Variants in CDCA7L observed in about 807,000 individuals in gnomAD.
CDCA7L encodes the protein cell division cycle-associated 7-like protein.
CDCA7L carries 44 observed loss-of-function variants against 57.4 expected under a neutral mutation model. That is an observed-to-expected ratio of 0.77 (90% CI 0.60 to 0.98). The LOEUF (loss-of-function observed/expected upper bound fraction) is 0.98. Among genes scored for constraint, CDCA7L ranks in the 50% least tolerant of loss-of-function variants. The pLI, the probability that CDCA7L is intolerant of heterozygous loss-of-function variation, is 0.00. For missense variants in CDCA7L, 644 were observed against 580.6 expected, an observed-to-expected ratio of 1.11 and a Z score of -1.12; for synonymous variants, 236 against 202.8, an observed-to-expected ratio of 1.16 and a Z score of -1.39.
At position 21,900,951 on chromosome 7, in the gene CDCA7L, C is replaced by G; in HGVS notation, c.*1371G>C. 6.6e-7 allele frequency: 1 copy of G among 1,504,112 alleles called. No homozygotes were observed. Among genetic ancestry groups the G allele is most frequent in the Non-Finnish European group, 8.9e-7 (1 of 1,127,600 alleles). 93.2% of individuals were successfully genotyped at this position (1,504,112 alleles called of 1,614,324 possible). On this transcript the variant is annotated 3_prime_UTR_variant, in exon 10 of 10. Coordinates refer to ENST00000406877, the MANE Select transcript of CDCA7L (RefSeq NM_018719.5). The stretch of plus-strand genomic sequence containing the variant: ...TATTGCATCAAACAACTTACTTGAT[C>G]ATTATCATTAGTAGCAAGCTGCCAC...
intron 1 of CDCA7L, among the ~76,000 whole-genome samples, chr7:21,933,640 C>T (rs1200509583): frequency 1.3e-5 from 2 of 152,082 alleles, no homozygotes; most frequent in East Asian, 1.9e-4. Flanking sequence ...ACATCACACA[C>T]TGGGGCCCGT....
rs1562615070 is a variant in CDCA7L at position 21,901,281 on chromosome 7, T to G, written c.*1041A>C. 6.3e-7 allele frequency: 1 copy of G among 1,581,992 alleles called. No homozygotes were observed. The highest frequency in any genetic ancestry group is 8.6e-7 in the Non-Finnish European group (1 of 1,162,960). ...GTAACACTGGCATTCCTCTAGCCTCTGCTGGAGTGCAGTGAGGATTTTCTA... is the reference window on the plus strand; with the variant it reads ...GTAACACTGGCATTCCTCTAGCCTCGGCTGGAGTGCAGTGAGGATTTTCTA... On this transcript the variant is annotated 3_prime_UTR_variant, in exon 10 of 10. Transcript: ENST00000406877.
At chr7:21,927,085 C>T (rs112448192) in intron 1 of CDCA7L, among the ~76,000 whole-genome samples, 13 of 151,992 alleles carry the variant, frequency 8.6e-5, no homozygotes, top group African/African-American at 2.7e-4. Context: ...GGCCACTTCT[C>T]GAATATTTAA....
intron 1 of CDCA7L, among the ~76,000 whole-genome samples, chr7:21,921,914 G>A (rs2128063992): frequency 6.6e-6 from 1 of 152,230 alleles, no homozygotes; most frequent in South Asian, 2.1e-4. Flanking sequence ...AATTAACAGT[G>A]TGAATATCAT....
intron 1 of CDCA7L, among the ~76,000 whole-genome samples, chr7:21,922,930 C>T (rs1348270717): frequency 2.6e-5 from 4 of 152,090 alleles, no homozygotes; most frequent in East Asian, 3.9e-4. Flanking sequence ...AAACCAAGAA[C>T]GGTATGATTC....
intron 8 of CDCA7L, chr7:21,903,730 G>C (rs956465310): frequency 5.9e-6 from 1 of 169,876 alleles, no homozygotes; most frequent in African/African-American, 2.5e-5. Flanking sequence ...CACAGTGCCA[G>C]GCACACAGAG....
At chr7:21,945,379 A>G (rs543267737) in intron 1 of CDCA7L, among the ~76,000 whole-genome samples, 2 of 151,922 alleles carry the variant, frequency 1.3e-5, no homozygotes, top group South Asian at 2.1e-4. Flanking sequence ...AAAAATTACA[A>G]CTTTCTTAAG....
rs1562615761 is a variant in CDCA7L at position 21,901,557 on chromosome 7, A to C, written c.*765T>G. 4.5e-6 allele frequency: 1 copy of C among 221,414 alleles called. No individual in the cohort carries two copies. Among genetic ancestry groups the C allele is most frequent in the South Asian group, 1.8e-4 (1 of 5,602 alleles). 13.7% of individuals were successfully genotyped at this position (221,414 alleles called of 1,614,324 possible). ...GCACTCCCTCCTGGGCAACAGAACA[A>C]GACTCCATCTCAAAAAAAAAAAAGT... is the stretch of plus-strand genomic sequence containing the variant. On this transcript the variant is annotated 3_prime_UTR_variant, in exon 10 of 10. Transcript: ENST00000406877.
intron 4 of CDCA7L, among the ~76,000 whole-genome samples, chr7:21,907,298 A>AAAATGTTTC (rs1785172107): frequency 6.6e-6 from 1 of 152,222 alleles, no homozygotes; most frequent in Admixed American, 6.5e-5. Flanking sequence ...TAGCTAAGTA[A>AAAATGTTTC]AAATGTTTCT....
chr7:21,942,044 C>A (rs186904536), intron 1 of CDCA7L, among the ~76,000 whole-genome samples: 4 of 151,264 alleles, frequency 2.6e-5, no homozygotes, highest in Admixed American at 2.0e-4. Context: ...GGGAAAGAGG[C>A]GTGTTTTCTG....
At chr7:21,907,744 C>T (rs2128058261) in intron 4 of CDCA7L, among the ~76,000 whole-genome samples, 1 of 152,274 alleles carries the variant, frequency 6.6e-6, no homozygotes, top group South Asian at 2.1e-4. Flanking sequence ...GCCCAACCTG[C>T]TCCTTGCAAC....
chr7:21,917,679 G>C (rs1013030425), intron 1 of CDCA7L, among the ~76,000 whole-genome samples: 1 of 152,170 alleles, frequency 6.6e-6, no homozygotes, highest in African/African-American at 2.4e-5. Context: ...ATATTAGGTT[G>C]AACCATGGGC....
At position 21,916,957 on chromosome 7, in the gene CDCA7L, T is replaced by A; in HGVS notation, c.25-63A>T. 1.9e-6 allele frequency: 3 copies of A among 1,586,102 alleles called. No individual in the cohort carries two copies. The South Asian group carries it at 3.4e-5, about 18-fold the overall frequency. ...GTTCTTGCTAATCACTTAGGGACAT[T>A]TTCTGGAGGGGAGGAGAGATCTCAT... On this transcript the variant is annotated intron_variant, in intron 1 of 9. Transcript: ENST00000406877.
At position 21,901,120 on chromosome 7, in the gene CDCA7L, A is replaced by G. The variant is rs749959011; in HGVS notation, c.*1202T>C. ...CACCCCCGTGGACAGACAAGAAACCAAACAGACCTACGAGTGCCCTGTGTA... is the reference window on the plus strand; with the variant it reads ...CACCCCCGTGGACAGACAAGAAACCGAACAGACCTACGAGTGCCCTGTGTA... On this transcript the variant is annotated 3_prime_UTR_variant, in exon 10 of 10. Coordinates refer to ENST00000406877, the MANE Select transcript of CDCA7L (RefSeq NM_018719.5). 6.2e-7 allele frequency: 1 copy of G among 1,613,926 alleles called. No individual in the cohort carries two copies. Among genetic ancestry groups the G allele is most frequent in the South Asian group, 1.1e-5 (1 of 91,070 alleles).
chr7:21,927,321 TGAA>T lies in CDCA7L; in HGVS notation c.25-10430_25-10428del, dbSNP rs201465905. 6.3e-3 allele frequency among the ~76,000 whole-genome samples: 952 copies of T among 151,574 alleles called. 7 individuals are homozygous for T. The highest frequency in any genetic ancestry group is 0.051 in the Middle Eastern group (15 of 292). On this transcript the variant is annotated intron_variant, in intron 1 of 9. Coordinates refer to ENST00000406877, the MANE Select transcript of CDCA7L (RefSeq NM_018719.5). ...AAATGAGCCTATTAACAAAGAGAAA[TGAA>T]GAAGGACTCCAACAGAAATTATGGA...
rs557394032 is a variant in CDCA7L at position 21,921,478 on chromosome 7, T to A, written c.25-4584A>T. 1.3e-3 allele frequency among the ~76,000 whole-genome samples: 195 copies of A among 152,218 alleles called. 2 individuals are homozygous for A. The highest frequency in any genetic ancestry group is 4.4e-3 in the South Asian group (21 of 4,820). ...AAGGATACACAGGGACCTCTTCTAA[T>A]GAATGACCAGTTCCACAACACAGTG... On this transcript the variant is annotated intron_variant, in intron 1 of 9. Coordinates refer to ENST00000406877, the MANE Select transcript of CDCA7L (RefSeq NM_018719.5).
rs1378217183 is a variant in CDCA7L, at chr7:21,901,253, A to G, written c.*1069T>C. On this transcript the variant is annotated 3_prime_UTR_variant, in exon 10 of 10. Transcript: ENST00000406877. Reference sequence around the variant, plus strand: ...GGAGTGGCTCTGCTTCTAGAAGCGTAAGGTAACACTGGCATTCCTCTAGCC... The same window carrying G: ...GGAGTGGCTCTGCTTCTAGAAGCGTGAGGTAACACTGGCATTCCTCTAGCC... 3 of 1,601,100 alleles carry G rather than the reference A, an allele frequency of 1.9e-6. No individual in the cohort carries two copies. Among genetic ancestry groups the G allele is most frequent in the Admixed American group, 1.7e-5 (1 of 59,350 alleles).
At chr7:21,903,157 G>A (rs768299487) in intron 8 of CDCA7L, 43 bp from the exon 9 acceptor site, 2 of 1,589,362 alleles carry the variant, frequency 1.3e-6, no homozygotes, top group East Asian at 4.5e-5. Context: ...ATTATCTACA[G>A]GGTCTGGCAA....
chr7:21,901,737 A>AGGCTAGC lies in CDCA7L; in HGVS notation c.*578_*584dup, dbSNP rs1263320590. 2 of 142,588 alleles carry AGGCTAGC rather than the reference A, an allele frequency of 1.4e-5. No individual in the cohort carries two copies. Among genetic ancestry groups the AGGCTAGC allele is most frequent in the Non-Finnish European group, 3.1e-5 (2 of 64,960 alleles). The allele number at this position is 142,588 out of a possible 1,614,324, so 8.8% of individuals were successfully genotyped here. A position where few individuals can be genotyped will look rare whatever the true frequency, so the allele number is the denominator to read the frequency against. ...GGCCCCAGGTGAGTCCTGAAGGAAG[A>AGGCTAGC]GGCTAGCACTCTGTAAGGCCTCCAG... is the stretch of plus-strand genomic sequence containing the variant. On this transcript the variant is annotated 3_prime_UTR_variant, in exon 10 of 10. Transcript: ENST00000406877.
Sources: gnomAD v4.1 joint callset for allele counts (sites outside exome capture counted in the v4.1 genomes callset) on GRCh38, gnomAD v4.1.1 for gene constraint, MANE v1.5 for transcripts, NCBI Gene and HGNC (gene_info 2026-07-23, HGNC 2026-07-21) for gene names.